Variants in FAAH2 observed in about 807,000 individuals in gnomAD.
FAAH2 encodes fatty-acid amide hydrolase 2.
In FAAH2, 60 loss-of-function variants were observed where a neutral mutation model predicts 36.9. That is an observed-to-expected ratio of 1.63 (90% confidence interval 1.32 to 2.02). FAAH2 has a LOEUF of 2.02. Among genes scored for constraint, FAAH2 ranks in the 30% most tolerant of loss-of-function variants. FAAH2 has a pLI of 0.00. For missense variants in FAAH2, 689 were observed against 397.5 expected, an observed-to-expected ratio of 1.73 and a Z score of -6.23; for synonymous variants, 214 against 143.8, an observed-to-expected ratio of 1.49 and a Z score of -3.49.
At chrX:57,274,645 T>C in the FAAH2 span, among the ~76,000 whole-genome samples, 1 of 111,426 alleles carries the variant, frequency 9.0e-6, no homozygotes, top group African/African-American at 3.3e-5. Flanking sequence ...ACAGAACAAA[T>C]GAGAAAAACC....
At chrX:57,386,854 A>T (rs964369047) in intron 7 of FAAH2, among the ~76,000 whole-genome samples, 9 of 112,377 alleles carry the variant, frequency 8.0e-5, no homozygotes, top group Non-Finnish European at 1.5e-4. Flanking sequence ...ACCTGTTGGC[A>T]TCAGGTAGCA....
At chrX:57,145,002 T>C in the FAAH2 span, among the ~76,000 whole-genome samples, 1 of 111,608 alleles carries the variant, frequency 9.0e-6, no homozygotes, top group African/African-American at 3.3e-5. Flanking sequence ...TCCACATTTT[T>C]GCAATTGTGA....
chrX:57,204,596 T>A, the FAAH2 span, among the ~76,000 whole-genome samples: 1 of 112,096 alleles, frequency 8.9e-6, no homozygotes, highest in Admixed American at 9.5e-5. Flanking sequence ...GCATAACCTC[T>A]ACCCCAATTT....
the FAAH2 span, among the ~76,000 whole-genome samples, chrX:57,191,947 C>T: frequency 9.0e-6 from 1 of 111,324 alleles, no homozygotes; most frequent in Non-Finnish European, 1.9e-5. Flanking sequence ...TTAGGATAGG[C>T]TATTCTTGGT....
chrX:57,308,453 T>C (rs1012482024), intron 2 of FAAH2, among the ~76,000 whole-genome samples: 1 of 111,700 alleles, frequency 9.0e-6, no homozygotes, highest in Non-Finnish European at 1.9e-5. Context: ...TCCATTCACA[T>C]CTTTTGCCCA....
At chrX:57,482,116 C>T (rs1312523033) in intron 10 of FAAH2, among the ~76,000 whole-genome samples, 1 of 111,563 alleles carries the variant, frequency 9.0e-6, no homozygotes. Flanking sequence ...CCAGGTTAAC[C>T]TCAGACTGTT....
chrX:57,352,020 G>A (rs868019780), intron 5 of FAAH2, among the ~76,000 whole-genome samples: 1 of 7,765 alleles, frequency 1.3e-4, no homozygotes, highest in Admixed American at 4.7e-3. Flanking sequence ...ATGTGTGTGT[G>A]TATATATATA....
intron 8 of FAAH2, among the ~76,000 whole-genome samples, chrX:57,438,345 C>T (rs1319094939): frequency 9.4e-6 from 1 of 106,227 alleles, no homozygotes; most frequent in Non-Finnish European, 1.9e-5. Flanking sequence ...GGAGAAACAT[C>T]CCATGCTATT....
chrX:57,441,337 T>G (rs1172202708), intron 8 of FAAH2, among the ~76,000 whole-genome samples: 1 of 111,564 alleles, frequency 9.0e-6, no homozygotes, highest in Non-Finnish European at 1.9e-5. Context: ...TGGGAGGGTG[T>G]GTGTGTCCAG....
the FAAH2 span, among the ~76,000 whole-genome samples, chrX:57,220,094 C>T: frequency 1.0e-4 from 11 of 108,765 alleles, no homozygotes; most frequent in Admixed American, 4.0e-4. Flanking sequence ...AATCCTTCCC[C>T]TCCATTCTAG....
chrX:57,247,487 CCTCT>C, the FAAH2 span, among the ~76,000 whole-genome samples: 1 of 108,268 alleles, frequency 9.2e-6, no homozygotes, highest in South Asian at 3.9e-4. Context: ...TCCCTCCATC[CCTCT>C]CTCTCTCTCT....
the FAAH2 span, among the ~76,000 whole-genome samples, chrX:57,243,469 G>A: frequency 1.3e-3 from 141 of 112,113 alleles, no homozygotes; most frequent in African/African-American, 4.3e-3. Flanking sequence ...CCTCTCAGAA[G>A]GAGTCAACAG....
the FAAH2 span, among the ~76,000 whole-genome samples, chrX:57,211,092 A>G: frequency 8.9e-6 from 1 of 112,274 alleles, no homozygotes; most frequent in African/African-American, 3.2e-5. Context: ...AATGAAATCA[A>G]TAAAGAGCTG....
At chrX:57,464,696 A>G (rs2057019890) in intron 10 of FAAH2, among the ~76,000 whole-genome samples, 1 of 110,514 alleles carries the variant, frequency 9.0e-6, no homozygotes, top group Non-Finnish European at 1.9e-5. Context: ...TTAACAAATC[A>G]ACGTGCAAAA....
chrX:57,279,544 A>G, the FAAH2 span, among the ~76,000 whole-genome samples: 1 of 111,490 alleles, frequency 9.0e-6, no homozygotes, highest in Non-Finnish European at 1.9e-5. Context: ...AGGCACGTGT[A>G]TACCTATGTA....
chrX:57,424,009 A>G (rs983874493), intron 7 of FAAH2, among the ~76,000 whole-genome samples: 9 of 111,337 alleles, frequency 8.1e-5, no homozygotes, highest in Non-Finnish European at 1.3e-4. Flanking sequence ...CAGAAAGGAG[A>G]TATGATCTGT....
chrX:57,309,701 T>C (rs1030150786), intron 2 of FAAH2, among the ~76,000 whole-genome samples: 2 of 111,193 alleles, frequency 1.8e-5, no homozygotes, highest in Non-Finnish European at 3.8e-5. Context: ...TGGGAACATA[T>C]AATGTTTGGT....
chrX:57,328,425 C>T (rs774453573), intron 3 of FAAH2, among the ~76,000 whole-genome samples: 1 of 111,612 alleles, frequency 9.0e-6, no homozygotes, highest in South Asian at 3.7e-4. Context: ...TGTTTTTTTT[C>T]TATACTGACT....
At chrX:57,467,008 G>GT (rs1479251534) in intron 10 of FAAH2, among the ~76,000 whole-genome samples, 1 of 111,108 alleles carries the variant, frequency 9.0e-6, no homozygotes, top group Non-Finnish European at 1.9e-5. Flanking sequence ...TCCAGAGGTG[G>GT]TTTTGCTGCT....
Sources: gnomAD v4.1 joint callset for allele counts (sites outside exome capture counted in the v4.1 genomes callset) on GRCh38, gnomAD v4.1.1 for gene constraint, MANE v1.5 for transcripts, NCBI Gene and HGNC (gene_info 2026-07-23, HGNC 2026-07-21) for gene names.